Variants in TRPV6 observed in about 807,000 individuals in gnomAD.
TRPV6 encodes the protein Alu-binding protein with zinc finger domain.
A neutral mutation model predicts 79.0 loss-of-function variants in TRPV6; 39 were observed. The ratio of observed to expected loss-of-function variants is 0.49; its 90% confidence interval spans 0.38 to 0.64. The LOEUF is 0.64. TRPV6 is among the 30% of genes least tolerant of loss of function. The pLI is 0.00. For synonymous variants in TRPV6, 373 were observed against 391.9 expected, an observed-to-expected ratio of 0.95 and a Z score of 0.57; for missense variants, 813 against 1,011.1, an observed-to-expected ratio of 0.80 and a Z score of 2.66.
chr7:142,872,346 G>A lies in TRPV6; in HGVS notation c.2015+26C>T, dbSNP rs1316521079. 3.2e-5 allele frequency: 51 copies of A among 1,611,226 alleles called. No individual in the cohort carries two copies. The East Asian group carries it at 1.1e-3, about 35-fold the overall frequency. ...ACCCTGCCGATGAGGCTTCTCAGGG[G>A]ACACCTACCCCCGCATATCACTCAC... On this transcript the variant is annotated intron_variant, in intron 14 of 14. Transcript: ENST00000359396.
At chr7:142,881,657 G>T (rs775246505) in intron 1 of TRPV6, 1 of 152,070 alleles carries the variant, frequency 6.6e-6, no homozygotes, top group African/African-American at 2.4e-5. Flanking sequence ...AAAATTGAAC[G>T]GTCTAGTTCA....
intron 1 of TRPV6, 157 bp downstream of exon 1, chr7:142,885,232 C>T: frequency 2.5e-6 from 2 of 796,444 alleles, no homozygotes; most frequent in Non-Finnish European, 3.8e-6. Flanking sequence ...CAGGCTGAGG[C>T]TCTTAAGACA....
chr7:142,876,150 G>A, intron 6 of TRPV6: 1 of 682,456 alleles, frequency 1.5e-6, no homozygotes, highest in Non-Finnish European at 2.4e-6. Context: ...CTGCTCTGGG[G>A]GCTGAAAGGG....
At position 142,877,155 on chromosome 7, in the gene TRPV6, G is replaced by A; in HGVS notation, c.594C>T (p.Asn198=). 1 of 1,614,196 alleles carries A rather than the reference G, an allele frequency of 6.2e-7. No homozygotes were observed. ...CCCTGCTCTCACCAAAGTAGATGAG[G>A]TTGCAGGGACTACGGCGGAAGGCAG... is the stretch of plus-strand genomic sequence containing the variant. Residue 198 remains asparagine, a synonymous_variant, in exon 4 of 15, where the codon AAC becomes AAT. Transcript: ENST00000359396.
Position 142,875,526 on chromosome 7 carries a change from C to G in TRPV6, c.1184G>C (p.Arg395Thr). 2 of 1,611,000 alleles carry G rather than the reference C, an allele frequency of 1.2e-6. No homozygotes were observed. The highest frequency in any genetic ancestry group is 1.7e-6 in the Non-Finnish European group (2 of 1,179,426). ...CCGGGGGCTCGTGCGGTTATTGGTC[C>G]TGGGCTTGAGGGGGCGGTAGATGCA... is the stretch of plus-strand genomic sequence containing the variant. Residue 395 changes from arginine to threonine, a missense_variant, in exon 8 of 15, where the codon AGG (arginine) becomes ACG (threonine). Arg to Thr is a moderately conservative substitution (Grantham distance 71). Transcript: ENST00000359396.
In TRPV6 at chr7:142,875,085, A is replaced by G. The variant is rs1795028862; in HGVS notation, c.1322T>C (p.Leu441Pro). The G allele has an allele frequency of 2.5e-6, 4 of 1,614,026 alleles. No individual in the cohort carries two copies. Among genetic ancestry groups the G allele is most frequent in the African/African-American group, 1.3e-5 (1 of 74,912 alleles). The stretch of plus-strand genomic sequence containing the variant: ...AGTCCATCCACACCTCACCTCTACC[A>G]GCAGGATGATGATAGCCCCAATGAC... Residue 441 changes from leucine to proline, a missense_variant, in exon 9 of 15, where the codon CTG becomes CCG. This residue lies in a region of TRPV6 where 555 missense variants were observed against 631.0 expected (regional missense o/e 0.88). Coordinates refer to ENST00000359396, the MANE Select transcript of TRPV6 (RefSeq NM_018646.6).
chr7:142,880,765 G>A (rs998586966), intron 1 of TRPV6: 1 of 152,210 alleles, frequency 6.6e-6, no homozygotes, highest in Non-Finnish European at 1.5e-5. Flanking sequence ...AAAAATACAG[G>A]ATGCTCAGTT....
At position 142,876,725 on chromosome 7, in the gene TRPV6, A is replaced by G. The variant is rs1563355804; in HGVS notation, c.706+14T>C. On this transcript the variant is annotated intron_variant, in intron 5 of 14. Transcript: ENST00000359396. The stretch of plus-strand genomic sequence containing the variant: ...CTGCAGCATCCCAGCTCCCCTCCCC[A>G]TCTCAGCTCTTACCCAGGGAGTCCT... The G allele has an allele frequency of 1.9e-6, 3 of 1,613,658 alleles. No individual in the cohort carries two copies. The highest frequency in any genetic ancestry group is 2.5e-6 in the Non-Finnish European group (3 of 1,179,946).
chr7:142,876,030 G>T, intron 6 of TRPV6, 126 bp from the exon 7 acceptor site: 2 of 1,067,808 alleles, frequency 1.9e-6, no homozygotes, highest in Non-Finnish European at 2.7e-6. Context: ...TTTGATGACA[G>T]CCTTTAGAGG....
chr7:142,871,995 G>A lies in TRPV6; in HGVS notation c.2016-6C>T. 1 of 1,574,740 alleles carries A rather than the reference G, an allele frequency of 6.4e-7. No homozygotes were observed. The highest frequency in any genetic ancestry group is 8.6e-7 in the Non-Finnish European group (1 of 1,159,164). On this transcript the variant is annotated splice_polypyrimidine_tract_variant and splice_region_variant and intron_variant, in intron 14 of 14. Coordinates refer to ENST00000359396, the MANE Select transcript of TRPV6 (RefSeq NM_018646.6). ...GATCTTGCCTGTCTTCCACCCTGTGGAATGCGGGAGGACTTGAGACACAGC... is the reference window on the plus strand; with the variant it reads ...GATCTTGCCTGTCTTCCACCCTGTGAAATGCGGGAGGACTTGAGACACAGC...
rs369529459 is a variant in TRPV6, at chr7:142,885,247, G to A, written c.248+142C>T. 4.2e-6 allele frequency: 4 copies of A among 955,834 alleles called. No individual in the cohort carries two copies. The South Asian group carries it at 7.1e-5, about 17-fold the overall frequency. The allele number at this position is 955,834 out of a possible 1,614,324, so 59.2% of individuals were successfully genotyped here. Reference sequence around the variant, plus strand: ...CAGGCTGAGGCTCTTAAGACAGAATGCTCCCAAGGAGCCAGTCCGGGCCTG... The same window carrying A: ...CAGGCTGAGGCTCTTAAGACAGAATACTCCCAAGGAGCCAGTCCGGGCCTG... On this transcript the variant is annotated intron_variant, in intron 1 of 14. Coordinates refer to ENST00000359396, the MANE Select transcript of TRPV6 (RefSeq NM_018646.6).
chr7:142,874,037 C>G, intron 12 of TRPV6, 39 bp downstream of exon 12: 1 of 1,604,932 alleles, frequency 6.2e-7, no homozygotes, highest in Non-Finnish European at 8.5e-7. Flanking sequence ...TTCCTCATCT[C>G]TTCCCTGCCA....
chr7:142,871,210 G>A lies in TRPV6; in HGVS notation c.*497C>T. 3 of 559,226 alleles carry A rather than the reference G, an allele frequency of 5.4e-6. No individual in the cohort carries two copies. The highest frequency in any genetic ancestry group is 9.6e-6 in the Non-Finnish European group (3 of 311,300). The allele number at this position is 559,226 out of a possible 1,614,324, so 34.6% of individuals were successfully genotyped here. ...GAGATGCAGAAGGGCAGCTGGGCAG[G>A]GATCCGAAAACGACTTTATTGAAGA... is the stretch of plus-strand genomic sequence containing the variant. On this transcript the variant is annotated 3_prime_UTR_variant, in exon 15 of 15. Transcript: ENST00000359396.
intron 1 of TRPV6, chr7:142,881,482 A>C (rs1795189756): frequency 6.6e-6 from 1 of 152,186 alleles, no homozygotes; most frequent in Non-Finnish European, 1.5e-5. Flanking sequence ...ATGGATCACT[A>C]AATACTCAAC....
Position 142,873,352 on chromosome 7 carries a change from TAAGTG to T in TRPV6, c.1908+91_1908+95del, listed in dbSNP as rs2116508355. 6.6e-7 allele frequency: 1 copy of T among 1,524,050 alleles called. No individual in the cohort carries two copies. The highest frequency in any genetic ancestry group is 1.2e-5 in the South Asian group (1 of 82,542). The allele number at this position is 1,524,050 out of a possible 1,614,324, so 94.4% of individuals were successfully genotyped here. On this transcript the variant is annotated intron_variant, in intron 13 of 14. Coordinates refer to ENST00000359396, the MANE Select transcript of TRPV6 (RefSeq NM_018646.6). This position sits in a 1 kb window ranked among gnomAD's most constrained non-coding sequence, Gnocchi z 4.8. Reference sequence around the variant, plus strand: ...TAGCTTTGCCACAACTGTCCAAACATAAGTGGGGTGGAGATATCCTGTCTCTCAGC... The same window carrying T: ...TAGCTTTGCCACAACTGTCCAAACATGGGTGGAGATATCCTGTCTCTCAGC...
At chr7:142,877,616 C>T (rs4987653) in intron 3 of TRPV6, 35 bp downstream of exon 3, 150,052 of 1,608,178 alleles carry the variant, frequency 0.093, 14,720 homozygotes, top group African/African-American at 0.52. Context: ...CAACCAGTCA[C>T]TCCTGCTCTT....
In TRPV6 at chr7:142,874,708, G is replaced by T. The variant is rs760600505; in HGVS notation, c.1407-52C>A. 68 of 1,589,418 alleles carry T rather than the reference G, an allele frequency of 4.3e-5. No homozygotes were observed. In the South Asian group the frequency reaches 7.3e-4, roughly 17 times the overall value. ...AGGGGAGGGCTGGGATGATCCTGGG[G>T]ACCTGACAGCAAGAATGTAGCTGGG... is the stretch of plus-strand genomic sequence containing the variant. On this transcript the variant is annotated intron_variant, in intron 10 of 14. Transcript: ENST00000359396.
In TRPV6 at chr7:142,885,551, C is replaced by A. The variant is rs374525154; in HGVS notation, c.86G>T (p.Arg29Leu). ...GGCCGGCTCCTTGGGGGCCTGAGGC[C>A]GAGGCCAGACCCTGACGGGACTCAG... Residue 29 changes from arginine (R) to leucine (L), a missense_variant, in exon 1 of 15, where the codon CGG (arginine) becomes CTG (leucine). This residue lies in a region of TRPV6 where 555 missense variants were observed against 631.0 expected (regional missense o/e 0.88). Coordinates refer to ENST00000359396, the MANE Select transcript of TRPV6 (RefSeq NM_018646.6). The A allele has an allele frequency of 6.3e-7, 1 of 1,577,488 alleles. No individual in the cohort carries two copies. Among genetic ancestry groups the A allele is most frequent in the Non-Finnish European group, 8.6e-7 (1 of 1,160,090 alleles).
Position 142,876,845 on chromosome 7 carries a change from C to T in TRPV6, c.608-8G>A. On this transcript the variant is annotated splice_region_variant and splice_polypyrimidine_tract_variant and intron_variant, in intron 4 of 14. Transcript: ENST00000359396. Reference sequence around the variant, plus strand: ...AGGACAAAGGGTGCTCCCCTGTGGACACAGAGAGATCTATGGTAGGAGAGT... The same window carrying T: ...AGGACAAAGGGTGCTCCCCTGTGGATACAGAGAGATCTATGGTAGGAGAGT... The T allele has an allele frequency of 6.2e-7, 1 of 1,613,988 alleles. No homozygotes were observed. Among genetic ancestry groups the T allele is most frequent in the Non-Finnish European group, 8.5e-7 (1 of 1,179,952 alleles).
Sources: allele counts gnomAD v4.1 joint callset, GRCh38; gene constraint gnomAD v4.1.1; regional missense constraint gnomAD v4.1.1; non-coding constraint Gnocchi (gnomAD v3.1); transcripts MANE v1.5; gene names NCBI Gene and HGNC (gene_info 2026-07-23, HGNC 2026-07-21).